Variants in TPRG1 observed in about 807,000 individuals in gnomAD.
The protein encoded by TPRG1 is tumor protein p63 regulated 1.
In TPRG1, 29 loss-of-function variants were observed where a neutral mutation model predicts 29.3. The ratio of observed to expected loss-of-function variants is 0.99; its 90% confidence interval spans 0.74 to 1.35. The LOEUF is 1.35. TPRG1 is among the 40% of genes most tolerant of loss of function. The pLI is 0.00. For missense variants in TPRG1, 327 were observed against 335.0 expected, an observed-to-expected ratio of 0.98 and a Z score of 0.19; for synonymous variants, 130 against 116.8, an observed-to-expected ratio of 1.11 and a Z score of -0.73.
intron 1 of TPRG1, among the ~76,000 whole-genome samples, chr3:189,187,457 C>T (rs1731096486): frequency 6.7e-6 from 1 of 149,010 alleles, no homozygotes; most frequent in Non-Finnish European, 1.5e-5. Flanking sequence ...CAGACCCCGC[C>T]ACCACGCTCA....
chr3:189,217,577 T>G (rs1319798701), intron 3 of TPRG1, among the ~76,000 whole-genome samples: 5 of 152,156 alleles, frequency 3.3e-5, no homozygotes, highest in Non-Finnish European at 7.3e-5. Context: ...AAACCTACTT[T>G]CAGGAAAAGT....
intron 5 of TPRG1, among the ~76,000 whole-genome samples, chr3:189,153,376 CAG>C (rs1726220148): frequency 6.6e-6 from 1 of 152,114 alleles, no homozygotes; most frequent in African/African-American, 2.4e-5. Flanking sequence ...ATGAAGAAAA[CAG>C]AACAGAGAAG....
chr3:189,064,500 G>A (rs527870512), intron 4 of TPRG1, among the ~76,000 whole-genome samples: 7 of 151,992 alleles, frequency 4.6e-5, no homozygotes, highest in South Asian at 2.1e-4. Context: ...AAATACATCC[G>A]AAGCAAGCAT....
intron 2 of TPRG1, among the ~76,000 whole-genome samples, chr3:189,210,397 G>A (rs1250584433): frequency 6.6e-6 from 1 of 152,136 alleles, no homozygotes; most frequent in Non-Finnish European, 1.5e-5. Flanking sequence ...GACCTTCAGG[G>A]TAAGATATAA....
chr3:189,023,184 T>C (rs968992538), intron 3 of TPRG1, among the ~76,000 whole-genome samples: 27 of 152,308 alleles, frequency 1.8e-4, no homozygotes, highest in African/African-American at 2.9e-4. Context: ...AAATCACCCG[T>C]CTTCTGCGTC....
upstream of TPRG1, among the ~76,000 whole-genome samples, chr3:189,171,112 C>T (rs1370479979): frequency 1.3e-5 from 2 of 152,216 alleles, no homozygotes; most frequent in African/African-American, 4.8e-5. Flanking sequence ...AACACACTTG[C>T]TTAGGTTTCA....
At chr3:189,313,841 C>G (rs1723072075) in intron 5 of TPRG1, among the ~76,000 whole-genome samples, 4 of 151,956 alleles carry the variant, frequency 2.6e-5, no homozygotes, top group Admixed American at 2.6e-4. Flanking sequence ...AAGTTTGGAT[C>G]AAGCAAAAAG....
chr3:189,272,847 A>G (rs1210939550), intron 4 of TPRG1, among the ~76,000 whole-genome samples: 2 of 152,018 alleles, frequency 1.3e-5, no homozygotes, highest in African/African-American at 2.4e-5. Flanking sequence ...TCAGACAAGG[A>G]TAGACATTTA....
rs539505856 is a variant in TPRG1 at position 189,199,147 on chromosome 3, G to A, written c.-9-8229G>A. Among the ~76,000 whole-genome samples the A allele has an allele frequency of 1.6e-4, 25 of 152,194 alleles. No homozygotes were observed. The South Asian group carries it at 4.8e-3, about 29-fold the overall frequency. Reference sequence around the variant, plus strand: ...ATATGGATTTTTATTTGAGTCAGAGGGAAGTCATAAAACAACACCCTGTAA... The same window carrying A: ...ATATGGATTTTTATTTGAGTCAGAGAGAAGTCATAAAACAACACCCTGTAA... On this transcript the variant is annotated intron_variant, in intron 1 of 5. Transcript: ENST00000345063.
intron 1 of TPRG1, among the ~76,000 whole-genome samples, chr3:189,115,396 G>A (rs755474090): frequency 2.0e-5 from 3 of 152,130 alleles, no homozygotes; most frequent in Non-Finnish European, 2.9e-5. Context: ...CAGTAGCTAG[G>A]GCAATAGCTA....
chr3:189,294,962 C>T (rs1425397783), intron 4 of TPRG1, among the ~76,000 whole-genome samples: 2 of 152,202 alleles, frequency 1.3e-5, no homozygotes, highest in East Asian at 1.9e-4. Flanking sequence ...ATTAACTCCT[C>T]ATTTACATAA....
At chr3:189,220,181 G>A (rs1736734342) in intron 3 of TPRG1, among the ~76,000 whole-genome samples, 1 of 151,860 alleles carries the variant, frequency 6.6e-6, no homozygotes, top group African/African-American at 2.4e-5. Context: ...TGTTTTAATA[G>A]TTTTTCCTCT....
Position 189,252,083 on chromosome 3 carries a change from G to C in TPRG1, c.479+13174G>C, listed in dbSNP as rs796592077. On this transcript the variant is annotated intron_variant, in intron 4 of 5. Coordinates refer to ENST00000345063, the MANE Select transcript of TPRG1 (RefSeq NM_198485.4). The stretch of plus-strand genomic sequence containing the variant: ...CCCTGGGTACTTGAGATTAGGGAGT[G>C]GTGATGACTCTTAAGGAGCATGCTG... Among the ~76,000 whole-genome samples the C allele has an allele frequency of 1.3e-3, 201 of 152,234 alleles. 1 individual carries two copies. The highest frequency in any genetic ancestry group is 4.4e-3 in the African/African-American group (182 of 41,540).
intron 4 of TPRG1, among the ~76,000 whole-genome samples, chr3:189,261,653 T>A (rs1295769523): frequency 6.6e-6 from 1 of 152,110 alleles, no homozygotes; most frequent in African/African-American, 2.4e-5. Context: ...TGCACACACA[T>A]GCTTTAGCCC....
chr3:189,204,323 A>AG (rs1733980100), intron 1 of TPRG1, among the ~76,000 whole-genome samples: 1 of 150,398 alleles, frequency 6.6e-6, no homozygotes, highest in Non-Finnish European at 1.5e-5. Flanking sequence ...CAGGGATAGA[A>AG]GAGCACTTAC....
intron 5 of TPRG1, among the ~76,000 whole-genome samples, chr3:189,153,658 T>C (rs1485627299): frequency 1.3e-5 from 2 of 152,074 alleles, no homozygotes; most frequent in Non-Finnish European, 2.9e-5. Context: ...AGCCGGGAGA[T>C]GGGTATCCAG....
chr3:189,215,410 C>G (rs1735920091), intron 3 of TPRG1, 27 bp downstream of exon 3: 1 of 1,581,870 alleles, frequency 6.3e-7, no homozygotes, highest in African/African-American at 1.4e-5. Flanking sequence ...AAGTGAAGGG[C>G]CGTGGAAATA....
chr3:189,310,562 C>T, intron 5 of TPRG1, 23 bp downstream of exon 5: 1 of 1,586,596 alleles, frequency 6.3e-7, no homozygotes. Context: ...TTGGGTATTA[C>T]TCTCAGATTA....
intron 4 of TPRG1, among the ~76,000 whole-genome samples, chr3:189,286,330 A>G (rs1454538469): frequency 2.0e-5 from 3 of 151,960 alleles, no homozygotes; most frequent in Admixed American, 2.0e-4. Flanking sequence ...CTTCTGCCAC[A>G]TAGTATATAT....
Sources: gnomAD v4.1 joint callset for allele counts (sites outside exome capture counted in the v4.1 genomes callset) on GRCh38, gnomAD v4.1.1 for gene constraint, MANE v1.5 for transcripts, NCBI Gene and HGNC (gene_info 2026-07-23, HGNC 2026-07-21) for gene names.